The following MDFIC2 variants were observed in gnomAD, a reference collection of about 807,000 sequenced individuals.
MDFIC2 encodes the protein MyoD family inhibitor domain containing 2.
At chr3:70,250,438 CACACACACACACAA>C (rs1017595406) in intron 2 of MDFIC2, among the ~76,000 whole-genome samples, 3 of 128,188 alleles carry the variant, frequency 2.3e-5, no homozygotes, top group Non-Finnish European at 5.4e-5. Flanking sequence ...CACACACACA[CACACACACACACAA>C]ACACAAACCT....
chr3:70,289,120 T>A (rs1277874331), intron 2 of MDFIC2, among the ~76,000 whole-genome samples: 4 of 151,924 alleles, frequency 2.6e-5, no homozygotes, highest in Non-Finnish European at 5.9e-5. Context: ...AGCTGGTGAT[T>A]TTGCTCGTTA....
intron 2 of MDFIC2, among the ~76,000 whole-genome samples, chr3:70,276,797 C>T (rs1323568307): frequency 6.6e-6 from 1 of 152,104 alleles, no homozygotes; most frequent in East Asian, 1.9e-4. Flanking sequence ...ACTACATGGC[C>T]CACTAAGCCA....
rs1178173726 is a variant in MDFIC2, at chr3:70,195,323, C to G, written c.*1603G>C. 6.6e-6 allele frequency among the ~76,000 whole-genome samples: 1 copy of G among 152,120 alleles called. No individual in the cohort carries two copies. The highest frequency in any genetic ancestry group is 2.4e-5 in the African/African-American group (1 of 41,422). On this transcript the variant is annotated 3_prime_UTR_variant, in exon 4 of 4. Coordinates refer to ENST00000567252, the MANE Select transcript of MDFIC2 (RefSeq NM_001364677.1). ...TTTCATGGAAGGTGTGGGGCACTTT[C>G]ATGCTCCGTGGTTTGTGAATAACAT... is the stretch of plus-strand genomic sequence containing the variant.
At chr3:70,293,440 A>G (rs986789552) in intron 2 of MDFIC2, among the ~76,000 whole-genome samples, 4 of 152,144 alleles carry the variant, frequency 2.6e-5, no homozygotes, top group African/African-American at 9.6e-5. Flanking sequence ...AATTAAATAG[A>G]TATGAAAATA....
At chr3:70,285,593 A>C (rs1342968268) in intron 2 of MDFIC2, among the ~76,000 whole-genome samples, 16 of 151,824 alleles carry the variant, frequency 1.1e-4, no homozygotes, top group Non-Finnish European at 1.5e-5. Context: ...TGGCTGTGTC[A>C]AATGGTATTT....
chr3:70,205,732 C>T (rs1422808173), intron 3 of MDFIC2: 1 of 151,988 alleles, frequency 6.6e-6, no homozygotes, highest in Non-Finnish European at 1.5e-5. Context: ...TTTATTTAAT[C>T]TTTTTTCTTA....
At chr3:70,232,915 G>A (rs1311740593) in intron 2 of MDFIC2, among the ~76,000 whole-genome samples, 6 of 152,208 alleles carry the variant, frequency 3.9e-5, no homozygotes, top group African/African-American at 7.2e-5. Context: ...TATGCTAGGC[G>A]TGGGGGTTCA....
intron 2 of MDFIC2, among the ~76,000 whole-genome samples, chr3:70,287,277 A>G (rs1702176222): frequency 7.0e-6 from 1 of 142,976 alleles, no homozygotes; most frequent in Non-Finnish European, 1.5e-5. Context: ...AGGGTTGTTG[A>G]ATTTTGTCAA....
In MDFIC2 at chr3:70,195,544, A is replaced by AT. The variant is rs1701167800; in HGVS notation, c.*1381dup. Among the ~76,000 whole-genome samples, 1 of 152,152 alleles carries AT rather than the reference A, an allele frequency of 6.6e-6. No individual in the cohort carries two copies. The highest frequency in any genetic ancestry group is 1.5e-5 in the Non-Finnish European group (1 of 68,028). On this transcript the variant is annotated 3_prime_UTR_variant, in exon 4 of 4. Coordinates refer to ENST00000567252, the MANE Select transcript of MDFIC2 (RefSeq NM_001364677.1). ...TGCTACAGAAATAAAGCAAATGGTG[A>AT]TTTTGCCTGAAATTACCTAAGTCAG... is the stretch of plus-strand genomic sequence containing the variant.
intron 2 of MDFIC2, among the ~76,000 whole-genome samples, chr3:70,228,610 T>C (rs1159948039): frequency 6.6e-6 from 1 of 151,618 alleles, no homozygotes; most frequent in Non-Finnish European, 1.5e-5. Context: ...TGGAACCTGA[T>C]GAAACATTTA....
chr3:70,214,381 G>A (rs761727347), intron 2 of MDFIC2, among the ~76,000 whole-genome samples: 3 of 152,062 alleles, frequency 2.0e-5, no homozygotes, highest in Admixed American at 1.3e-4. Flanking sequence ...CAAGGGCTAC[G>A]ACAAGAGGAC....
Position 70,221,622 on chromosome 3 carries a change from T to C in MDFIC2, c.89-14832A>G, listed in dbSNP as rs78332798. 2.2e-3 allele frequency among the ~76,000 whole-genome samples: 332 copies of C among 152,270 alleles called. 1 individual carries two copies. Among genetic ancestry groups the C allele is most frequent in the African/African-American group, 6.9e-3 (286 of 41,564 alleles). The stretch of plus-strand genomic sequence containing the variant: ...ACAGGCATTCCTTCTGTGCTGTCTC[T>C]AACCTGATTTTGGAAACCAGTATAA... On this transcript the variant is annotated intron_variant, in intron 2 of 3. Coordinates refer to ENST00000567252, the MANE Select transcript of MDFIC2 (RefSeq NM_001364677.1).
At chr3:70,266,338 G>T (rs888565342) in intron 2 of MDFIC2, among the ~76,000 whole-genome samples, 3 of 151,790 alleles carry the variant, frequency 2.0e-5, no homozygotes, top group Non-Finnish European at 4.4e-5. Context: ...AACTGTAATC[G>T]TTATTAAATA....
chr3:70,215,812 A>T (rs1701402158), intron 2 of MDFIC2, among the ~76,000 whole-genome samples: 1 of 152,136 alleles, frequency 6.6e-6, no homozygotes, highest in Non-Finnish European at 1.5e-5. Context: ...GACAGACTAA[A>T]GGTGGCGTGT....
intron 2 of MDFIC2, among the ~76,000 whole-genome samples, chr3:70,294,008 C>T (rs1340316169): frequency 1.3e-5 from 2 of 151,982 alleles, no homozygotes; most frequent in Non-Finnish European, 2.9e-5. Flanking sequence ...GTACTTTGGG[C>T]AACAGCTGGG....
chr3:70,290,468 T>C lies in MDFIC2; in HGVS notation c.88+21418A>G, dbSNP rs1702224137. Among the ~76,000 whole-genome samples the C allele has an allele frequency of 6.6e-5, 10 of 152,340 alleles. No homozygotes were observed. The South Asian group carries it at 2.1e-3, about 32-fold the overall frequency. On this transcript the variant is annotated intron_variant, in intron 2 of 3. Coordinates refer to ENST00000567252, the MANE Select transcript of MDFIC2 (RefSeq NM_001364677.1). ...AGAACCACTGCTCTCTTCAAAGCTGTCAGACAGGGACATTTAAGTCTGCAG... is the reference window on the plus strand; with the variant it reads ...AGAACCACTGCTCTCTTCAAAGCTGCCAGACAGGGACATTTAAGTCTGCAG...
chr3:70,269,537 T>C (rs1701955184), intron 2 of MDFIC2, among the ~76,000 whole-genome samples: 1 of 152,186 alleles, frequency 6.6e-6, no homozygotes, highest in Admixed American at 6.5e-5. Flanking sequence ...TCCATAAATA[T>C]TTTTTGACCA....
intron 2 of MDFIC2, among the ~76,000 whole-genome samples, chr3:70,263,779 G>A (rs1302070784): frequency 1.3e-5 from 2 of 152,000 alleles, no homozygotes; most frequent in Admixed American, 1.3e-4. Context: ...CAGTAACACT[G>A]TCTGGCTCCA....
chr3:70,276,908 A>G (rs1457275214), intron 2 of MDFIC2, among the ~76,000 whole-genome samples: 3 of 152,146 alleles, frequency 2.0e-5, no homozygotes, highest in Admixed American at 6.5e-5. Flanking sequence ...TATGTTCTCA[A>G]CTGTAATCAG....
Sources: allele counts gnomAD v4.1 joint callset (sites outside exome capture counted in the v4.1 genomes callset), GRCh38; gene constraint gnomAD v4.1.1; transcripts MANE v1.5; gene names NCBI Gene and HGNC (gene_info 2026-07-23, HGNC 2026-07-21).